Variants in CBLC observed in about 807,000 individuals in gnomAD.
CBLC encodes the protein Cbl proto-oncogene C.
In CBLC, 46 loss-of-function variants were observed where a neutral mutation model predicts 58.6. The ratio of observed to expected loss-of-function variants is 0.79; its 90% CI spans 0.62 to 1.00. The LOEUF is 1.00. Among genes scored for constraint, CBLC ranks in the 50% least tolerant of loss-of-function variants. The probability of loss-of-function intolerance (pLI) is 0.00; values close to 1 mark genes in which losing one functional copy is unlikely to be tolerated. For synonymous variants in CBLC, 271 were observed against 264.2 expected (o/e 1.03, Z -0.25); for missense variants, 655 against 625.8 (o/e 1.05, Z -0.50).
At chr19:44,781,624 T>C (rs1324448245) in intron 3 of CBLC, among the ~76,000 whole-genome samples, 2 of 101,014 alleles carry the variant, frequency 2.0e-5, no homozygotes, top group East Asian at 5.9e-4. Context: ...CTCCTGGGTC[T>C]GAGGGAGGAG....
At chr19:44,794,607 G>A (rs1311657006) in intron 9 of CBLC, among the ~76,000 whole-genome samples, 1 of 151,422 alleles carries the variant, frequency 6.6e-6, no homozygotes, top group African/African-American at 2.4e-5. Flanking sequence ...TGGGATTACA[G>A]GCACCCACCA....
rs1023454829 is a variant in CBLC, at chr19:44,792,448, C to T, written c.1071C>T (p.Ser357=). 6.8e-6 allele frequency: 11 copies of T among 1,613,282 alleles called. No homozygotes were observed. The highest frequency in any genetic ancestry group is 9.3e-6 in the Non-Finnish European group (11 of 1,179,750). ...AGCTCTGCAAGATCTGTGCTGAGAG[C>T]AACAAGGATGTGAAGATTGAGCCGT... ...TFELCKICAE[S]NKDVKIEPCG... The change falls in exon 7 of 11, where the codon AGC becomes AGT. Residue 357 remains serine, a synonymous_variant. Transcript: ENST00000647358.
Position 44,778,250 on chromosome 19 carries a change from A to AACG in CBLC, c.324_326dup (p.Asp108dup). On this transcript the variant is annotated inframe_insertion, in exon 1 of 11. Transcript: ENST00000647358. ...GCCTCCCCGGGGCCGAAGGAGTGCC[A>AACG]ACGACGAGCTCTTCCGGGCGGGCTC... 1 of 1,449,958 alleles carries AACG rather than the reference A, an allele frequency of 6.9e-7. No individual in the cohort carries two copies. The highest frequency in any genetic ancestry group is 9.1e-7 in the Non-Finnish European group (1 of 1,103,072). 89.8% of individuals were successfully genotyped at this position (1,449,958 alleles called of 1,614,324 possible). A position where few individuals can be genotyped will look rare whatever the true frequency, so the allele number is the denominator to read the frequency against.
intron 9 of CBLC, among the ~76,000 whole-genome samples, chr19:44,798,500 G>A (rs2122516402): frequency 6.6e-6 from 1 of 152,154 alleles, no homozygotes; most frequent in East Asian, 1.9e-4. Flanking sequence ...CTTTGCTTGA[G>A]GTCAGGAGTT....
intron 9 of CBLC, among the ~76,000 whole-genome samples, chr19:44,798,781 G>A (rs1968229579): frequency 6.6e-6 from 1 of 152,110 alleles, no homozygotes; most frequent in Non-Finnish European, 1.5e-5. Context: ...GCTCCCCAGG[G>A]CTCTAAGAAC....
intron 1 of CBLC, among the ~76,000 whole-genome samples, chr19:44,778,803 G>A (rs112785852): frequency 1.2e-3 from 117 of 99,750 alleles, no homozygotes; most frequent in African/African-American, 5.5e-3. Flanking sequence ...AGACCCAGGG[G>A]TCCAGGCCCC....
chr19:44,784,414 T>C lies in CBLC; in HGVS notation c.917+13T>C, dbSNP rs1568558226. 6.4e-7 allele frequency: 1 copy of C among 1,565,222 alleles called. No homozygotes were observed. Among genetic ancestry groups the C allele is most frequent in the South Asian group, 1.1e-5 (1 of 88,474 alleles). On this transcript the variant is annotated intron_variant, in intron 5 of 10. Coordinates refer to ENST00000647358, the MANE Select transcript of CBLC (RefSeq NM_012116.4). Reference sequence around the variant, plus strand: ...AGAAGGACGGCTTGTGAGTCTCCATTCTGGTAGGAGGAGGGTGTCAGCAAA... The same window carrying C: ...AGAAGGACGGCTTGTGAGTCTCCATCCTGGTAGGAGGAGGGTGTCAGCAAA...
chr19:44,793,822 GGC>G (rs1968117756), intron 8 of CBLC, among the ~76,000 whole-genome samples: 4 of 150,930 alleles, frequency 2.7e-5, no homozygotes, highest in African/African-American at 9.7e-5. Flanking sequence ...AGGGAGGAGG[GGC>G]TAGGGGCCTG....
At chr19:44,793,111 C>T (rs1968095734) in intron 7 of CBLC, among the ~76,000 whole-genome samples, 2 of 152,150 alleles carry the variant, frequency 1.3e-5, no homozygotes, top group Admixed American at 6.6e-5. Flanking sequence ...GAGATCGTGC[C>T]GCTGCACTCC....
rs186965777 is a variant in CBLC, at chr19:44,790,139, C to A, written c.1005+48C>A. The A allele has an allele frequency of 6.0e-3, 8,657 of 1,431,570 alleles. 281 individuals carry two copies. In the Admixed American group the frequency reaches 0.072, roughly 12 times the overall value. 88.7% of individuals were successfully genotyped at this position (1,431,570 alleles called of 1,614,324 possible). On this transcript the variant is annotated intron_variant, in intron 6 of 10. Coordinates refer to ENST00000647358, the MANE Select transcript of CBLC (RefSeq NM_012116.4). The stretch of plus-strand genomic sequence containing the variant: ...CAGTCCCAGTTCCCTGACCCTGCCA[C>A]CCCCACGTTGCCTTGGCTCAGAGGC...
chr19:44,800,494 C>A, intron 10 of CBLC, 44 bp downstream of exon 10: 1 of 1,211,732 alleles, frequency 8.3e-7, no homozygotes. Flanking sequence ...CCACCCCACT[C>A]CACCCTCCTC....
intron 2 of CBLC, 35 bp downstream of exon 2, chr19:44,781,086 C>T: frequency 6.3e-7 from 1 of 1,598,848 alleles, no homozygotes; most frequent in Non-Finnish European, 8.5e-7. Flanking sequence ...CCCGGAGCCC[C>T]ATCCTGCCCT....
At chr19:44,799,674 A>G (rs1039107093) in intron 9 of CBLC, among the ~76,000 whole-genome samples, 32 of 151,252 alleles carry the variant, frequency 2.1e-4, no homozygotes, top group Admixed American at 1.8e-3. Flanking sequence ...TTGTTTTTAA[A>G]AAAGAAAGAA....
At chr19:44,793,951 C>T (rs1332842099) in intron 8 of CBLC, among the ~76,000 whole-genome samples, 1 of 151,960 alleles carries the variant, frequency 6.6e-6, no homozygotes, top group Admixed American at 6.6e-5. Flanking sequence ...GCCCACACTC[C>T]TGGGTTCTAG....
intron 6 of CBLC, among the ~76,000 whole-genome samples, chr19:44,791,819 A>G (rs1259862278): frequency 6.6e-6 from 1 of 150,918 alleles, no homozygotes; most frequent in Non-Finnish European, 1.5e-5. Flanking sequence ...CAGTTCTGGC[A>G]CAGAGGTTTG....
At chr19:44,786,544 G>A (rs1008556169) in intron 5 of CBLC, among the ~76,000 whole-genome samples, 22 of 149,546 alleles carry the variant, frequency 1.5e-4, no homozygotes, top group African/African-American at 5.4e-4. Context: ...GCAGTGAGCC[G>A]AGATCGTGCC....
In CBLC at chr19:44,781,189, C is replaced by A. The variant is rs755586372; in HGVS notation, c.501-18C>A. ...TGGGAGGCCTCAGCGGTGTCTCCCC[C>A]ACCCCTCTCCCACCCAGGTGTGTGC... On this transcript the variant is annotated intron_variant, in intron 2 of 10. Transcript: ENST00000647358. 16 of 1,601,584 alleles carry A rather than the reference C, an allele frequency of 1.0e-5. No homozygotes were observed. The Admixed American group carries it at 1.2e-4, about 12-fold the overall frequency.
At chr19:44,784,950 GTTTTTTT>G (rs58171575) in intron 5 of CBLC, among the ~76,000 whole-genome samples, 26 of 34,352 alleles carry the variant, frequency 7.6e-4, no homozygotes, top group African/African-American at 1.8e-3. Context: ...CTAGACAGGT[GTTTTTTT>G]TTTTTTTTTT....
intron 9 of CBLC, among the ~76,000 whole-genome samples, 176 bp downstream of exon 9, chr19:44,794,457 C>CTTTTTTT (rs200824891): frequency 1.3e-4 from 10 of 78,340 alleles, no homozygotes; most frequent in Admixed American, 1.6e-4. Context: ...CTGGGACTTT[C>CTTTTTTT]TTTTTTTTTT....
Sources: gnomAD v4.1 joint callset for allele counts (sites outside exome capture counted in the v4.1 genomes callset) on GRCh38, gnomAD v4.1.1 for gene constraint, MANE v1.5 for transcripts, NCBI Gene and HGNC (gene_info 2026-07-23, HGNC 2026-07-21) for gene names.